MAD1L1: variants seen among roughly 807,000 people sequenced by gnomAD.
MAD1L1 encodes mitotic spindle assembly checkpoint protein MAD1.
Under a neutral mutation model 96.9 loss-of-function variants are expected in MAD1L1, and 95 were observed. The ratio of observed to expected loss-of-function variants is 0.98; its 90% CI spans 0.83 to 1.16. MAD1L1 has a LOEUF of 1.16. Ranked by LOEUF, MAD1L1 falls within the 50% of genes most tolerant of loss-of-function variation. The probability of loss-of-function intolerance (pLI) is 0.00; values close to 1 mark genes in which losing one functional copy is unlikely to be tolerated. For missense variants in MAD1L1, 1,007 were observed against 954.4 expected, an observed-to-expected ratio of 1.06 and a Z score of -0.73; for synonymous variants, 473 against 396.6, an observed-to-expected ratio of 1.19 and a Z score of -2.29.
intron 16 of MAD1L1, among the ~76,000 whole-genome samples, chr7:1,946,551 T>C (rs1294588597): frequency 6.6e-6 from 1 of 152,278 alleles, no homozygotes; most frequent in Admixed American, 6.5e-5. Context: ...GAGCCTTCCT[T>C]TGATGCGATG....
intron 10 of MAD1L1, among the ~76,000 whole-genome samples, chr7:2,179,090 T>G (rs73039277): frequency 6.6e-6 from 1 of 152,116 alleles, no homozygotes; most frequent in East Asian, 1.9e-4. Context: ...AATCAGATTT[T>G]TGAACTCTGA....
chr7:1,941,372 C>T (rs1478192411), intron 16 of MAD1L1, among the ~76,000 whole-genome samples: 2 of 152,160 alleles, frequency 1.3e-5, no homozygotes, highest in Non-Finnish European at 2.9e-5. Flanking sequence ...GCTTGAGGTC[C>T]AGGAAACAAT....
rs552693490 is a variant in MAD1L1, at chr7:2,136,507, C to T, written c.1073+12645G>A. ...TCTTACCCAAGTTTCCTAACAGGAT[C>T]GAGAGACCCTCCCAGGTCTATGGCA... On this transcript the variant is annotated intron_variant, in intron 11 of 18. Transcript: ENST00000265854. Among the ~76,000 whole-genome samples, 28 of 152,320 alleles carry T rather than the reference C, an allele frequency of 1.8e-4. No individual in the cohort carries two copies. In the South Asian group the frequency reaches 5.8e-3, roughly 32 times the overall value.
At chr7:2,017,196 C>A (rs978496854) in intron 12 of MAD1L1, among the ~76,000 whole-genome samples, 3 of 152,352 alleles carry the variant, frequency 2.0e-5, no homozygotes, top group African/African-American at 7.2e-5. Context: ...TAACAGCTGA[C>A]TCCACCTGCG....
chr7:2,137,545 C>T (rs1250940160), intron 11 of MAD1L1, among the ~76,000 whole-genome samples: 3 of 152,200 alleles, frequency 2.0e-5, no homozygotes, highest in Non-Finnish European at 4.4e-5. Context: ...CACACACCAC[C>T]TCTGGCCCAG....
chr7:2,019,903 G>C (rs546455558), intron 12 of MAD1L1, among the ~76,000 whole-genome samples: 1 of 149,482 alleles, frequency 6.7e-6, no homozygotes, highest in Non-Finnish European at 1.5e-5. Context: ...CCTAAACGAG[G>C]TTTTTTTTTT....
At chr7:1,838,038 T>A (rs1423206966) in intron 18 of MAD1L1, among the ~76,000 whole-genome samples, 1 of 152,214 alleles carries the variant, frequency 6.6e-6, no homozygotes, top group African/African-American at 2.4e-5. Flanking sequence ...CTAGAGGTGA[T>A]TCCCGCGTAG....
intron 10 of MAD1L1, among the ~76,000 whole-genome samples, chr7:2,169,303 G>A (rs1309112945): frequency 6.6e-6 from 1 of 152,142 alleles, no homozygotes; most frequent in Non-Finnish European, 1.5e-5. Context: ...GGGATTACGG[G>A]GGATTGGCAG....
intron 11 of MAD1L1, among the ~76,000 whole-genome samples, chr7:2,143,076 C>T (rs1240626711): frequency 6.6e-6 from 1 of 152,100 alleles, no homozygotes; most frequent in Non-Finnish European, 1.5e-5. Context: ...CAGCAGGACA[C>T]GGTGCCAGTG....
chr7:2,046,413 C>G (rs918203052), intron 12 of MAD1L1, among the ~76,000 whole-genome samples: 1 of 151,766 alleles, frequency 6.6e-6, no homozygotes, highest in Non-Finnish European at 1.5e-5. Flanking sequence ...CCCGTGCCCA[C>G]CCAACCCTCC....
At chr7:2,050,572 A>T (rs1562639194) in intron 12 of MAD1L1, among the ~76,000 whole-genome samples, 1 of 152,150 alleles carries the variant, frequency 6.6e-6, no homozygotes. Context: ...CAGACACTTC[A>T]CACCTTCTGA....
chr7:1,978,459 C>A (rs1246620460), intron 15 of MAD1L1, among the ~76,000 whole-genome samples: 5 of 152,228 alleles, frequency 3.3e-5, no homozygotes, highest in African/African-American at 1.2e-4. Flanking sequence ...GGGACGGCCC[C>A]TCTGCCACTC....
Position 2,216,191 on chromosome 7 carries a change from G to A in MAD1L1, c.775C>T (p.Leu259=). The A allele has an allele frequency of 6.2e-7, 1 of 1,613,748 alleles. No individual in the cohort carries two copies. The highest frequency in any genetic ancestry group is 1.3e-5 in the African/African-American group (1 of 75,044). The part of the protein sequence containing the change: ...LVRLPRLERE[L]KQLREESAHL... Reference sequence around the variant, plus strand: ...GCGCTCTCCTCCCGCAGCTGCTTCAGCTCCCGTTCCAGCCTAGGGAGCCGT... The same window carrying A: ...GCGCTCTCCTCCCGCAGCTGCTTCAACTCCCGTTCCAGCCTAGGGAGCCGT... Residue 259 remains leucine, a synonymous_variant, in exon 8 of 19, where the codon CTG becomes TTG. Coordinates refer to ENST00000265854, the MANE Select transcript of MAD1L1 (RefSeq NM_001013836.2).
At chr7:2,083,103 G>A (rs1785735858) in intron 11 of MAD1L1, among the ~76,000 whole-genome samples, 4 of 152,182 alleles carry the variant, frequency 2.6e-5, no homozygotes, top group Admixed American at 2.0e-4. Flanking sequence ...GCCTCTAAAC[G>A]CTGTCACTCG....
chr7:2,127,408 C>CT (rs1256048843), intron 11 of MAD1L1, among the ~76,000 whole-genome samples: 1 of 152,218 alleles, frequency 6.6e-6, no homozygotes, highest in South Asian at 2.1e-4. Flanking sequence ...AGCACACTTG[C>CT]TCCAGAGGGG....
intron 16 of MAD1L1, among the ~76,000 whole-genome samples, chr7:1,957,407 T>C (rs1312554447): frequency 2.0e-5 from 3 of 151,892 alleles, no homozygotes; most frequent in African/African-American, 7.3e-5. Context: ...ACCAGGCGTG[T>C]GGGTGGTGCG....
intron 11 of MAD1L1, among the ~76,000 whole-genome samples, chr7:2,123,973 G>GGT (rs1788107133): frequency 6.6e-6 from 1 of 152,150 alleles, no homozygotes; most frequent in South Asian, 2.1e-4. Context: ...AAGGGGCGGG[G>GGT]GCTTAGGCCC....
chr7:1,923,457 T>G (rs111709055), intron 17 of MAD1L1, among the ~76,000 whole-genome samples: 16 of 97,326 alleles, frequency 1.6e-4, no homozygotes, highest in South Asian at 4.6e-4. Flanking sequence ...CCCGGCACCC[T>G]GGCACCCCCG....
chr7:2,210,712 G>A (rs1456981454), intron 10 of MAD1L1, among the ~76,000 whole-genome samples: 1 of 152,204 alleles, frequency 6.6e-6, no homozygotes, highest in East Asian at 1.9e-4. Flanking sequence ...GAGCCCTGAA[G>A]GGGCCCAGGC....
Sources: allele counts gnomAD v4.1 joint callset (sites outside exome capture counted in the v4.1 genomes callset), GRCh38; gene constraint gnomAD v4.1.1; transcripts MANE v1.5; gene names NCBI Gene and HGNC (gene_info 2026-07-23, HGNC 2026-07-21).